HS2ST1: variants seen among roughly 807,000 people sequenced by gnomAD.
HS2ST1 encodes the protein heparan sulfate 2-O-sulfotransferase 1.
In HS2ST1, 18 loss-of-function variants were observed where a neutral mutation model predicts 42.9. The observed-to-expected ratio is 0.42, with a 90% CI of 0.29 to 0.62. The LOEUF is 0.62. HS2ST1 is among the 20% of genes least tolerant of loss of function. The pLI is 0.21. For synonymous variants in HS2ST1, 146 were observed against 152.9 expected (o/e 0.95, Z 0.33); for missense variants, 334 against 433.8 (o/e 0.77, Z 2.04).
chr1:87,046,285 A>G, intron 1 of HS2ST1: 1 of 736,246 alleles, frequency 1.4e-6, no homozygotes, highest in Non-Finnish European at 2.5e-6. Flanking sequence ...AAGCCAACCC[A>G]GAGAACCTCT....
chr1:86,994,351 G>T (rs1279267776), intron 1 of HS2ST1, among the ~76,000 whole-genome samples: 2 of 152,140 alleles, frequency 1.3e-5, no homozygotes, highest in Non-Finnish European at 2.9e-5. Context: ...TTTAGTGGGT[G>T]TATGTGTATG....
chr1:86,988,640 C>T (rs1014274954), intron 1 of HS2ST1, among the ~76,000 whole-genome samples: 2 of 152,162 alleles, frequency 1.3e-5, no homozygotes, highest in Middle Eastern at 3.2e-3. Context: ...AATGTTACAG[C>T]GAATTCTAAA....
intron 2 of HS2ST1, among the ~76,000 whole-genome samples, chr1:87,079,223 C>T (rs1291929905): frequency 6.6e-6 from 1 of 151,920 alleles, no homozygotes; most frequent in Non-Finnish European, 1.5e-5. Flanking sequence ...CTGCAACCTC[C>T]ACCTCCCGGG....
intron 1 of HS2ST1, among the ~76,000 whole-genome samples, chr1:86,940,083 G>T (rs1318649173): frequency 6.6e-6 from 1 of 152,036 alleles, no homozygotes; most frequent in Non-Finnish European, 1.5e-5. Flanking sequence ...ACTGAAATAG[G>T]CTTGGTACAG....
chr1:87,003,638 C>T (rs1283355083), intron 1 of HS2ST1, among the ~76,000 whole-genome samples: 1 of 152,090 alleles, frequency 6.6e-6, no homozygotes, highest in East Asian at 1.9e-4. Context: ...GGTTCCGTAC[C>T]TGGATTCAAC....
At chr1:86,965,158 A>G (rs1056448633) in intron 1 of HS2ST1, among the ~76,000 whole-genome samples, 1 of 152,240 alleles carries the variant, frequency 6.6e-6, no homozygotes, top group African/African-American at 2.4e-5. Flanking sequence ...TAAGGAAATC[A>G]GGATGACTGG....
intron 1 of HS2ST1, among the ~76,000 whole-genome samples, chr1:87,040,721 G>C (rs1650498977): frequency 6.6e-6 from 1 of 152,122 alleles, no homozygotes; most frequent in Non-Finnish European, 1.5e-5. Context: ...ATAGGCAAGA[G>C]TTAAGTAAAA....
intron 1 of HS2ST1, among the ~76,000 whole-genome samples, chr1:87,030,048 A>G (rs1433848042): frequency 3.9e-5 from 6 of 152,200 alleles, no homozygotes; most frequent in Admixed American, 1.3e-4. Flanking sequence ...TATTAATTTC[A>G]GCTTGCTCTT....
chr1:86,997,265 TCTC>T lies in HS2ST1; in HGVS notation c.125-75666_125-75664del, dbSNP rs549151602. Among the ~76,000 whole-genome samples, 5 of 152,134 alleles carry T rather than the reference TCTC, an allele frequency of 3.3e-5. No homozygotes were observed. In the East Asian group the frequency reaches 7.7e-4, roughly 24 times the overall value. ...CTGCACATAATATCTGCATATAAGT[TCTC>T]CTTCAAGTATGGTAGTTTAATCACT... On this transcript the variant is annotated intron_variant, in intron 1 of 6. Transcript: ENST00000370550.
At chr1:87,006,529 G>A (rs1255983998) in intron 1 of HS2ST1, among the ~76,000 whole-genome samples, 1 of 152,070 alleles carries the variant, frequency 6.6e-6, no homozygotes, top group Non-Finnish European at 1.5e-5. Context: ...GCAACACTTA[G>A]TAATTCTGTG....
At chr1:86,957,481 T>G (rs761071983) in intron 1 of HS2ST1, among the ~76,000 whole-genome samples, 38 of 152,246 alleles carry the variant, frequency 2.5e-4, no homozygotes, top group Non-Finnish European at 4.8e-4. Context: ...CTCCTAAGAC[T>G]GAATTGCTAA....
At chr1:87,080,374 A>G (rs994483177) in intron 2 of HS2ST1, among the ~76,000 whole-genome samples, 3 of 152,212 alleles carry the variant, frequency 2.0e-5, no homozygotes, top group African/African-American at 4.8e-5. Context: ...AGTTATATCA[A>G]CAGAGCTTTG....
chr1:87,073,956 G>A (rs1466583092), intron 2 of HS2ST1, among the ~76,000 whole-genome samples: 4 of 152,254 alleles, frequency 2.6e-5, no homozygotes, highest in Non-Finnish European at 5.9e-5. Context: ...TATTTGTGAT[G>A]GTCCTGTAGT....
chr1:87,030,321 G>T (rs974029350), intron 1 of HS2ST1, among the ~76,000 whole-genome samples: 4 of 152,128 alleles, frequency 2.6e-5, no homozygotes, highest in African/African-American at 9.7e-5. Context: ...CAACATAGGA[G>T]ACCCTATCTC....
chr1:86,984,387 C>T (rs914353007), intron 1 of HS2ST1, among the ~76,000 whole-genome samples: 12 of 152,134 alleles, frequency 7.9e-5, no homozygotes, highest in African/African-American at 2.9e-4. Context: ...CATTTGGTTT[C>T]CTCGACGCTT....
At chr1:87,028,910 C>G (rs1043692128) in intron 1 of HS2ST1, among the ~76,000 whole-genome samples, 9 of 152,088 alleles carry the variant, frequency 5.9e-5, no homozygotes, top group African/African-American at 2.2e-4. Context: ...GAAATCAGAG[C>G]CTACTTTATA....
At chr1:86,942,195 G>A (rs946972626) in intron 1 of HS2ST1, among the ~76,000 whole-genome samples, 2 of 152,164 alleles carry the variant, frequency 1.3e-5, no homozygotes, top group South Asian at 2.1e-4. Flanking sequence ...ATGGCTTGTC[G>A]ACAAGGAACC....
At chr1:87,088,982 A>G (rs1182376240) in intron 3 of HS2ST1, among the ~76,000 whole-genome samples, 1 of 151,982 alleles carries the variant, frequency 6.6e-6, no homozygotes, top group Non-Finnish European at 1.5e-5. Flanking sequence ...ATTGTTGCCT[A>G]AGTAGAGAAG....
At chr1:87,047,290 C>T (rs1440687275) in intron 1 of HS2ST1, among the ~76,000 whole-genome samples, 2 of 152,120 alleles carry the variant, frequency 1.3e-5, no homozygotes, top group African/African-American at 4.8e-5. Context: ...AATGGACTGG[C>T]TATTTTCTCA....
Sources: gnomAD v4.1 joint callset for allele counts (sites outside exome capture counted in the v4.1 genomes callset) on GRCh38, gnomAD v4.1.1 for gene constraint, MANE v1.5 for transcripts, NCBI Gene and HGNC (gene_info 2026-07-23, HGNC 2026-07-21) for gene names.